The following FREM1 variants were observed in gnomAD, a reference collection of about 807,000 sequenced individuals.
FREM1 encodes FRAS1 related extracellular matrix 1, also known as FRAS1-related extracellular matrix protein 1.
FREM1 carries 220 observed loss-of-function variants against 210.1 expected under a neutral mutation model. The observed-to-expected ratio is 1.05, with a 90% CI of 0.94 to 1.17. The LOEUF is 1.17. Among genes scored for constraint, FREM1 ranks in the 50% most tolerant of loss-of-function variants. FREM1 has a pLI of 0.00. For missense variants in FREM1, 3,454 were observed against 2,675.5 expected, an observed-to-expected ratio of 1.29 and a Z score of -6.42; for synonymous variants, 1,189 against 980.2, an observed-to-expected ratio of 1.21 and a Z score of -3.98.
At chr9:14,893,074 G>A (rs1250882329) in intron 1 of FREM1, among the ~76,000 whole-genome samples, 1 of 152,162 alleles carries the variant, frequency 6.6e-6, no homozygotes. Flanking sequence ...CCCCAGAGCT[G>A]TGGTGCAGCC....
At chr9:14,815,707 G>A (rs573548051) in intron 15 of FREM1, among the ~76,000 whole-genome samples, 1 of 152,230 alleles carries the variant, frequency 6.6e-6, no homozygotes, top group Non-Finnish European at 1.5e-5. Context: ...GAGTGCAGTG[G>A]CATGATCTCG....
chr9:14,819,481 T>C, intron 13 of FREM1, 39 bp from the exon 14 acceptor site: 1 of 1,310,796 alleles, frequency 7.6e-7, no homozygotes, highest in Non-Finnish European at 1.1e-6. Context: ...AAAGCCTTTT[T>C]CCATGACCCC....
chr9:14,876,024 G>A (rs1236082551), intron 1 of FREM1, among the ~76,000 whole-genome samples: 3 of 152,132 alleles, frequency 2.0e-5, no homozygotes, highest in Admixed American at 6.5e-5. Flanking sequence ...CTGTCTGATC[G>A]TTCCTCTGGA....
intron 1 of FREM1, among the ~76,000 whole-genome samples, chr9:14,881,966 G>C (rs1004011981): frequency 1.3e-5 from 2 of 152,168 alleles, no homozygotes; most frequent in African/African-American, 4.8e-5. Flanking sequence ...TGAGGCTATG[G>C]CATAGGTTGG....
intron 23 of FREM1, among the ~76,000 whole-genome samples, chr9:14,786,848 A>C (rs1038231522): frequency 2.6e-5 from 4 of 152,224 alleles, no homozygotes; most frequent in Non-Finnish European, 5.9e-5. Context: ...AGCAAGATGA[A>C]TACATCAAGG....
rs144570170 is a variant in FREM1 at position 14,880,108 on chromosome 9, G to C, written c.-267-10864C>G. On this transcript the variant is annotated intron_variant, in intron 1 of 36. Coordinates refer to ENST00000380880, the MANE Select transcript of FREM1 (RefSeq NM_001379081.2). Reference sequence around the variant, plus strand: ...AAAAGATTACAGCACTCTCTCTCCGGCCATGTGAGGCTTACAACAAGAGGG... The same window carrying C: ...AAAAGATTACAGCACTCTCTCTCCGCCCATGTGAGGCTTACAACAAGAGGG... Among the ~76,000 whole-genome samples the C allele has an allele frequency of 2.0e-5, 3 of 152,148 alleles. No individual in the cohort carries two copies. In the East Asian group the frequency reaches 5.8e-4, roughly 30 times the overall value.
chr9:14,871,235 C>T (rs1298129402), intron 1 of FREM1, among the ~76,000 whole-genome samples: 1 of 152,230 alleles, frequency 6.6e-6, no homozygotes, highest in East Asian at 1.9e-4. Context: ...ACCACACTGA[C>T]TTCCACAATG....
chr9:14,840,658 T>C (rs1350217347), intron 10 of FREM1, among the ~76,000 whole-genome samples: 1 of 152,176 alleles, frequency 6.6e-6, no homozygotes, highest in Admixed American at 6.5e-5. Context: ...GGAGTTACAA[T>C]TCAAGATGAG....
intron 14 of FREM1, among the ~76,000 whole-genome samples, chr9:14,818,319 C>T (rs1452637989): frequency 4.6e-5 from 7 of 152,132 alleles, no homozygotes; most frequent in Non-Finnish European, 2.9e-5. Context: ...GATAGGAGTG[C>T]GAGTGCAAAG....
At chr9:14,739,765 T>C (rs1401397332) in intron 36 of FREM1, among the ~76,000 whole-genome samples, 2 of 151,900 alleles carry the variant, frequency 1.3e-5, no homozygotes, top group Non-Finnish European at 2.9e-5. Context: ...CAATTTTTCA[T>C]GTCTTTATTA....
At chr9:14,876,077 C>G (rs1167203561) in intron 1 of FREM1, among the ~76,000 whole-genome samples, 4 of 152,132 alleles carry the variant, frequency 2.6e-5, no homozygotes, top group African/African-American at 7.2e-5. Flanking sequence ...AGGTGTCAGT[C>G]TGCCCCTACT....
chr9:14,758,814 T>C (rs1844908602), intron 28 of FREM1, among the ~76,000 whole-genome samples: 1 of 152,188 alleles, frequency 6.6e-6, no homozygotes, highest in African/African-American at 2.4e-5. Flanking sequence ...AAGCCATAGG[T>C]TGTGCTTCAT....
chr9:14,790,353 G>T (rs1851086392), intron 22 of FREM1, among the ~76,000 whole-genome samples: 1 of 152,060 alleles, frequency 6.6e-6, no homozygotes, highest in Non-Finnish European at 1.5e-5. Flanking sequence ...GTAGACTTAT[G>T]TTCTGCCCTC....
At chr9:14,788,864 A>G (rs995607528) in intron 23 of FREM1, 55 bp downstream of exon 23, 16 of 1,379,274 alleles carry the variant, frequency 1.2e-5, no homozygotes, top group Admixed American at 2.0e-5. Flanking sequence ...AATGTGGAAT[A>G]CTTATACCAG....
chr9:14,832,556 T>C (rs895875465), intron 10 of FREM1, among the ~76,000 whole-genome samples: 66 of 152,340 alleles, frequency 4.3e-4, no homozygotes, highest in African/African-American at 1.5e-3. Context: ...CTTTCTACAA[T>C]GCTTTTCCTT....
Position 14,746,477 on chromosome 9 carries a change from CA to C in FREM1, c.6139-10del. The C allele has an allele frequency of 6.2e-7, 1 of 1,603,134 alleles. No homozygotes were observed. ...GATTTGTCTTCCACATCCTGAAAAA[CA>C]GTTGTCTGTGTTCATATCATAATGG... is the stretch of plus-strand genomic sequence containing the variant. On this transcript the variant is annotated splice_polypyrimidine_tract_variant and intron_variant, in intron 34 of 36. Coordinates refer to ENST00000380880, the MANE Select transcript of FREM1 (RefSeq NM_001379081.2).
chr9:14,836,151 TG>T lies in FREM1; in HGVS notation c.1881+5295del, dbSNP rs1196737736. 1.3e-5 allele frequency among the ~76,000 whole-genome samples: 2 copies of T among 152,244 alleles called. 1 individual carries two copies. Among genetic ancestry groups the T allele is most frequent in the Admixed American group, 1.3e-4 (2 of 15,284 alleles). ...ACCCCCAAAGGGGAGTTCTCTATCT[TG>T]GCAAGTAAAATTTTAGATGGAAATT... On this transcript the variant is annotated intron_variant, in intron 10 of 36. Coordinates refer to ENST00000380880, the MANE Select transcript of FREM1 (RefSeq NM_001379081.2). The surrounding 1 kb of genome is among the most constrained non-coding windows in gnomAD (Gnocchi z 4.9).
intron 21 of FREM1, among the ~76,000 whole-genome samples, chr9:14,797,116 G>A (rs1852567070): frequency 6.6e-6 from 1 of 152,208 alleles, no homozygotes; most frequent in Non-Finnish European, 1.5e-5. Context: ...AGGACTGTCT[G>A]CAGTTAATGT....
rs374788202 is a variant in FREM1, at chr9:14,860,546, C to CATAT, written c.330-1066_330-1063dup. Among the ~76,000 whole-genome samples the CATAT allele has an allele frequency of 6.5e-3, 676 of 104,772 alleles. 46 individuals are homozygous for CATAT. The highest frequency in any genetic ancestry group is 0.034 in the African/African-American group (639 of 18,880). 68.7% of individuals were successfully genotyped at this position (104,772 alleles called of 152,430 possible). ...CGTAGTAGGTATGTATATATATACACATATATATACACACATATATATACA... is the reference window on the plus strand; with the variant it reads ...CGTAGTAGGTATGTATATATATACACATATATATATATACACACATATATATACA... On this transcript the variant is annotated intron_variant, in intron 3 of 36. Transcript: ENST00000380880.
Sources: gnomAD v4.1 joint callset for allele counts (sites outside exome capture counted in the v4.1 genomes callset) on GRCh38, gnomAD v4.1.1 for gene constraint, Gnocchi (gnomAD v3.1) non-coding constraint, MANE v1.5 for transcripts, NCBI Gene and HGNC (gene_info 2026-07-23, HGNC 2026-07-21) for gene names.